The following ADGRL2 variants were observed in gnomAD, a reference collection of about 807,000 sequenced individuals.
The protein encoded by ADGRL2 is calcium-independent alpha-latrotoxin receptor 2.
In ADGRL2, 44 loss-of-function variants were observed where a neutral mutation model predicts 157.4. That is an observed-to-expected ratio of 0.28 (90% CI 0.22 to 0.36). The LOEUF is 0.36. Ranked by LOEUF, ADGRL2 falls within the 10% of genes least tolerant of loss-of-function variation. The pLI is 1.00. For synonymous variants in ADGRL2, 585 were observed against 624.7 expected (o/e 0.94, Z 0.95); for missense variants, 1,510 against 1,768.9 (o/e 0.85, Z 2.63).
intron 3 of ADGRL2, among the ~76,000 whole-genome samples, chr1:81,598,520 C>T (rs1406207505): frequency 6.6e-6 from 1 of 152,202 alleles, no homozygotes; most frequent in Non-Finnish European, 1.5e-5. Context: ...TGGACCTTTA[C>T]ATAGCAAACA....
intron 1 of ADGRL2, among the ~76,000 whole-genome samples, chr1:81,414,917 T>A (rs2077008108): frequency 6.6e-6 from 1 of 152,172 alleles, no homozygotes; most frequent in African/African-American, 2.4e-5. Flanking sequence ...ACTCATAGGG[T>A]CTAGGAAGAA....
chr1:81,880,057 G>T (rs769265946), intron 2 of ADGRL2, among the ~76,000 whole-genome samples: 1 of 152,040 alleles, frequency 6.6e-6, no homozygotes, highest in Non-Finnish European at 1.5e-5. Flanking sequence ...TTGTATTTTG[G>T]ATCCTCAATA....
intron 2 of ADGRL2, among the ~76,000 whole-genome samples, chr1:81,487,380 C>T (rs2078531248): frequency 6.6e-6 from 1 of 152,150 alleles, no homozygotes; most frequent in Non-Finnish European, 1.5e-5. Flanking sequence ...TGTGGTGGCT[C>T]ATGCCTCTAA....
intron 1 of ADGRL2, among the ~76,000 whole-genome samples, chr1:81,314,288 G>A (rs1442423596): frequency 1.3e-5 from 2 of 152,180 alleles, no homozygotes; most frequent in Non-Finnish European, 1.5e-5. Flanking sequence ...TTAAGCATGT[G>A]TGATGTACTT....
chr1:81,436,565 G>A (rs193205999), intron 1 of ADGRL2, among the ~76,000 whole-genome samples: 4 of 152,182 alleles, frequency 2.6e-5, no homozygotes, highest in Non-Finnish European at 5.9e-5. Context: ...GCCTAGTCTG[G>A]TTATGTATTA....
At chr1:81,564,817 T>C (rs1364527630) in intron 2 of ADGRL2, among the ~76,000 whole-genome samples, 1 of 152,154 alleles carries the variant, frequency 6.6e-6, no homozygotes, top group Admixed American at 6.6e-5. Flanking sequence ...TATTGAGGAC[T>C]ATGTTCAGTT....
Position 81,969,387 on chromosome 1 carries a change from G to C in ADGRL2, c.2733G>C (p.Ala911=), listed in dbSNP as rs142281401. The C allele has an allele frequency of 1.2e-6, 2 of 1,606,356 alleles. No individual in the cohort carries two copies. Among genetic ancestry groups the C allele is most frequent in the Non-Finnish European group, 1.7e-6 (2 of 1,173,502 alleles). ...FLIGIDKTKY[A]IACPIFAGLL... is the part of the protein sequence containing the mutation. ...TAGGCATTGATAAGACAAAATATGCGGTAAGCACCAGTTGAGTTCATTGAC... is the reference window on the plus strand; with the variant it reads ...TAGGCATTGATAAGACAAAATATGCCGTAAGCACCAGTTGAGTTCATTGAC... Residue 911 remains alanine, a splice_region_variant and synonymous_variant, in exon 15 of 24, where the codon GCG becomes GCC. Transcript: ENST00000686636.
intron 1 of ADGRL2, among the ~76,000 whole-genome samples, chr1:81,803,886 G>C (rs1364927266): frequency 6.6e-6 from 1 of 152,116 alleles, no homozygotes; most frequent in African/African-American, 2.4e-5. Context: ...TGTGTGGAAC[G>C]GGTCCCACCG....
At chr1:81,894,698 T>C (rs2094343412) in intron 2 of ADGRL2, among the ~76,000 whole-genome samples, 1 of 151,900 alleles carries the variant, frequency 6.6e-6, no homozygotes, top group African/African-American at 2.4e-5. Flanking sequence ...AAGTTATTTT[T>C]TGAGATGAGA....
chr1:81,511,730 A>G (rs2079082130), intron 2 of ADGRL2, among the ~76,000 whole-genome samples: 1 of 152,108 alleles, frequency 6.6e-6, no homozygotes, highest in Admixed American at 6.5e-5. Context: ...AAAGCAAATC[A>G]TGTTTCATGT....
intron 2 of ADGRL2, among the ~76,000 whole-genome samples, chr1:81,533,986 T>C (rs549928841): frequency 4.6e-5 from 7 of 152,118 alleles, no homozygotes; most frequent in Non-Finnish European, 8.8e-5. Context: ...AGACAAAGCC[T>C]CACTATGAAC....
At chr1:81,870,846 G>A (rs901015237) in intron 2 of ADGRL2, among the ~76,000 whole-genome samples, 1 of 149,770 alleles carries the variant, frequency 6.7e-6, no homozygotes, top group African/African-American at 2.4e-5. Flanking sequence ...GGTATTATTT[G>A]TATAAAACTA....
intron 2 of ADGRL2, among the ~76,000 whole-genome samples, chr1:81,448,020 A>T (rs1387718430): frequency 6.6e-6 from 1 of 150,798 alleles, no homozygotes; most frequent in Non-Finnish European, 1.5e-5. Flanking sequence ...TTCCCTTCAC[A>T]TTCTGCCATG....
intron 23 of ADGRL2, chr1:81,990,133 C>T: frequency 1.0e-6 from 1 of 985,310 alleles, no homozygotes; most frequent in Non-Finnish European, 1.2e-6. Flanking sequence ...AGTACTGTCT[C>T]CTGAAATTGA....
chr1:81,804,787 CTTTGT>C (rs1250849856), intron 1 of ADGRL2, among the ~76,000 whole-genome samples: 2 of 152,058 alleles, frequency 1.3e-5, no homozygotes, highest in East Asian at 1.9e-4. Context: ...AGGAACTACA[CTTTGT>C]TTTATTAGTA....
intron 1 of ADGRL2, among the ~76,000 whole-genome samples, chr1:81,313,020 A>G (rs1228449368): frequency 1.3e-5 from 2 of 152,178 alleles, no homozygotes; most frequent in Non-Finnish European, 2.9e-5. Flanking sequence ...TCAGCTTTAT[A>G]GTAAAGAAAT....
chr1:81,394,707 C>G (rs2076623629), intron 1 of ADGRL2, among the ~76,000 whole-genome samples: 1 of 151,966 alleles, frequency 6.6e-6, no homozygotes, highest in African/African-American at 2.4e-5. Context: ...TACTGATTTC[C>G]TTTGTTTGGA....
At chr1:81,733,003 G>C (rs1439748482) in intron 1 of ADGRL2, among the ~76,000 whole-genome samples, 3 of 152,166 alleles carry the variant, frequency 2.0e-5, no homozygotes, top group African/African-American at 7.2e-5. Flanking sequence ...TATTCACTAT[G>C]ATGATCTGAG....
chr1:81,930,264 A>G (rs572004202), intron 3 of ADGRL2, among the ~76,000 whole-genome samples: 164 of 152,322 alleles, frequency 1.1e-3, no homozygotes, highest in Middle Eastern at 6.8e-3. Context: ...ATGAGGCACT[A>G]TGTCTCAAAA....
Sources: allele counts gnomAD v4.1 joint callset (sites outside exome capture counted in the v4.1 genomes callset), GRCh38; gene constraint gnomAD v4.1.1; transcripts MANE v1.5; gene names NCBI Gene and HGNC (gene_info 2026-07-23, HGNC 2026-07-21).